The following CCDC150 variants were observed in gnomAD, a reference collection of about 807,000 sequenced individuals.
The protein encoded by CCDC150 is coiled-coil domain-containing protein 150.
Under a neutral mutation model 156.5 loss-of-function variants are expected in CCDC150, and 151 were observed. The ratio of observed to expected loss-of-function variants is 0.97; its 90% CI spans 0.85 to 1.10. CCDC150 has a LOEUF of 1.10. Among genes scored for constraint, CCDC150 ranks in the 50% least tolerant of loss-of-function variants. The pLI, the probability that CCDC150 is intolerant of heterozygous loss-of-function variation, is 0.00. For synonymous variants in CCDC150, 452 were observed against 429.4 expected (o/e 1.05, Z -0.65); for missense variants, 1,312 against 1,268.1 (o/e 1.03, Z -0.53).
chr2:196,681,019 T>C (rs1287897757), intron 13 of CCDC150, among the ~76,000 whole-genome samples: 1 of 152,206 alleles, frequency 6.6e-6, no homozygotes, highest in Non-Finnish European at 1.5e-5. Context: ...TTCAGTACAT[T>C]TGCAGTGTGG....
intron 15 of CCDC150, among the ~76,000 whole-genome samples, chr2:196,704,435 C>A (rs1696453379): frequency 6.6e-6 from 1 of 152,096 alleles, no homozygotes. Flanking sequence ...ATTCTCTCAG[C>A]TAAATATAAA....
chr2:196,661,208 G>T (rs915720273), intron 5 of CCDC150, among the ~76,000 whole-genome samples: 3 of 152,186 alleles, frequency 2.0e-5, no homozygotes, highest in African/African-American at 4.8e-5. Context: ...CATTCTGAGG[G>T]TATGTGAAAT....
chr2:196,729,547 G>C, intron 23 of CCDC150, 160 bp downstream of exon 23: 1 of 711,938 alleles, frequency 1.4e-6, no homozygotes, highest in Non-Finnish European at 2.4e-6. Context: ...TGGAGTCACT[G>C]CTGTGTAAAT....
intron 14 of CCDC150, 58 bp from the exon 15 acceptor site, chr2:196,701,051 G>A: frequency 9.0e-7 from 1 of 1,113,574 alleles, no homozygotes; most frequent in Non-Finnish European, 1.3e-6. Context: ...GTTTAAAAAT[G>A]AAAATGGTTA....
intron 15 of CCDC150, among the ~76,000 whole-genome samples, chr2:196,702,363 G>GTGTA (rs1225763564): frequency 6.6e-6 from 1 of 151,590 alleles, no homozygotes; most frequent in African/African-American, 2.4e-5. Context: ...GTGTGTGTGT[G>GTGTA]TGTGTGTGTG....
In CCDC150 at chr2:196,656,993, G is replaced by A; in HGVS notation, c.433G>A (p.Glu145Lys). Residue 145 changes from glutamate (E) to lysine (K), a missense_variant, in exon 4 of 28, where the codon GAG becomes AAG. Physicochemically the swap from Glu to Lys is moderately conservative, Grantham distance 56. Transcript: ENST00000389175. ...AGATCGACTGAATGCAATACAGGAA[G>A]AGCATTCTAAGGACCTGAAGCTGTT... The part of the protein sequence containing the change: ...LKDRLNAIQE[E>K]HSKDLKLLHL... 1 of 1,613,600 alleles carries A rather than the reference G, an allele frequency of 6.2e-7. No homozygotes were observed.
At chr2:196,708,377 C>T (rs4850728) in intron 15 of CCDC150, among the ~76,000 whole-genome samples, 1 of 151,994 alleles carries the variant, frequency 6.6e-6, no homozygotes, top group African/African-American at 2.4e-5. Flanking sequence ...TCCTCCATCC[C>T]TTTATTTTGA....
chr2:196,651,625 G>T (rs1187560010), intron 2 of CCDC150, among the ~76,000 whole-genome samples: 1 of 152,124 alleles, frequency 6.6e-6, no homozygotes, highest in East Asian at 1.9e-4. Flanking sequence ...CTAGGTTTCT[G>T]TTGAAAACTT....
intron 2 of CCDC150, among the ~76,000 whole-genome samples, chr2:196,654,139 C>T (rs544767004): frequency 6.5e-4 from 99 of 152,142 alleles, no homozygotes; most frequent in Non-Finnish European, 1.3e-3. Context: ...GGCCTTACCT[C>T]CAACAATGGG....
intron 4 of CCDC150, 70 bp from the exon 5 acceptor site, chr2:196,658,722 T>A: frequency 8.9e-7 from 1 of 1,117,872 alleles, no homozygotes; most frequent in Non-Finnish European, 1.3e-6. Context: ...TGATTTGATC[T>A]GATATACCTA....
At chr2:196,658,949 G>A in intron 5 of CCDC150, 89 bp downstream of exon 5, 1 of 906,676 alleles carries the variant, frequency 1.1e-6, no homozygotes, top group Non-Finnish European at 1.7e-6. Flanking sequence ...AACCTTTGAA[G>A]AAGAAAATAT....
intron 12 of CCDC150, 96 bp from the exon 13 acceptor site, chr2:196,677,197 G>A: frequency 1.3e-6 from 1 of 790,992 alleles, no homozygotes; most frequent in South Asian, 1.5e-5. Context: ...TGCAGTGTAG[G>A]TATTAATTGA....
At chr2:196,693,232 A>G (rs1371527794) in intron 13 of CCDC150, among the ~76,000 whole-genome samples, 3 of 152,174 alleles carry the variant, frequency 2.0e-5, no homozygotes, top group Non-Finnish European at 4.4e-5. Flanking sequence ...TGCTCCAACC[A>G]TTGTTGTGTA....
intron 17 of CCDC150, chr2:196,713,763 C>T: frequency 7.5e-7 from 1 of 1,324,858 alleles, no homozygotes; most frequent in Non-Finnish European, 9.8e-7. Context: ...AAATATAATG[C>T]TTGAAGATAT....
chr2:196,676,539 G>T lies in CCDC150; in HGVS notation c.1263-15G>T. ...TCTAATTTAGCTTTCATATGTTCTT[G>T]ATCTCTTCCTGCAGGGATCATTTAA... On this transcript the variant is annotated splice_polypyrimidine_tract_variant and intron_variant, in intron 11 of 27. Coordinates refer to ENST00000389175, the MANE Select transcript of CCDC150 (RefSeq NM_001080539.2). 1 of 1,590,588 alleles carries T rather than the reference G, an allele frequency of 6.3e-7. No individual in the cohort carries two copies. The highest frequency in any genetic ancestry group is 1.2e-5 in the South Asian group (1 of 86,778).
intron 17 of CCDC150, among the ~76,000 whole-genome samples, chr2:196,718,052 T>C (rs1399301533): frequency 1.3e-5 from 2 of 152,238 alleles, no homozygotes. Context: ...GTTTCAAGGA[T>C]ATGAGGTTCT....
intron 13 of CCDC150, among the ~76,000 whole-genome samples, chr2:196,690,746 A>G (rs911894803): frequency 3.3e-5 from 5 of 152,064 alleles, no homozygotes; most frequent in African/African-American, 9.7e-5. Flanking sequence ...ATTGTGTTGC[A>G]TAGGAGTAGT....
Position 196,695,127 on chromosome 2 carries a change from G to A in CCDC150, c.1591G>A (p.Glu531Lys). 1 of 1,610,864 alleles carries A rather than the reference G, an allele frequency of 6.2e-7. No individual in the cohort carries two copies. Reference protein sequence around the residue: ...KHLADQMASLELQQVTSDYHG... With the variant: ...KHLADQMASLKLQQVTSDYHG... ...CCTGGCAGATCAAATGGCTTCCCTA[G>A]AACTTCAGCAAGTCACTTCTGATTA... is the stretch of plus-strand genomic sequence containing the variant. Residue 531 changes from glutamate to lysine, a missense_variant, in exon 14 of 28, where the codon GAA becomes AAA. Physicochemically the swap from Glu to Lys is moderately conservative, Grantham distance 56. Transcript: ENST00000389175.
At chr2:196,643,429 A>C (rs1242013905) in intron 1 of CCDC150, among the ~76,000 whole-genome samples, 1 of 152,196 alleles carries the variant, frequency 6.6e-6, no homozygotes, top group Non-Finnish European at 1.5e-5. Flanking sequence ...TTTTTAAAAC[A>C]AGTGAAGCAA....
Sources: allele counts gnomAD v4.1 joint callset (sites outside exome capture counted in the v4.1 genomes callset), GRCh38; gene constraint gnomAD v4.1.1; transcripts MANE v1.5; gene names NCBI Gene and HGNC (gene_info 2026-07-23, HGNC 2026-07-21).